The following NTRK2 variants were observed in gnomAD, a reference collection of about 807,000 sequenced individuals.
The protein encoded by NTRK2 is neurotrophic receptor tyrosine kinase 2.
A neutral mutation model predicts 94.5 loss-of-function variants in NTRK2; 13 were observed. The observed-to-expected ratio is 0.14, with a 90% confidence interval of 0.09 to 0.22. NTRK2 has a LOEUF of 0.22. Ranked by LOEUF, NTRK2 falls within the 10% of genes least tolerant of loss-of-function variation. NTRK2 has a pLI of 1.00. For synonymous variants in NTRK2, 372 were observed against 407.4 expected, an observed-to-expected ratio of 0.91 and a Z score of 1.05; for missense variants, 639 against 1,071.2, an observed-to-expected ratio of 0.60 and a Z score of 5.63.
rs936225956 is a variant in NTRK2, at chr9:85,025,312, A to G, written c.*3875A>G. 3.4e-5 allele frequency: 8 copies of G among 233,130 alleles called. No homozygotes were observed. Among genetic ancestry groups the G allele is most frequent in the African/African-American group, 1.8e-4 (8 of 45,350 alleles). 14.4% of individuals were successfully genotyped at this position (233,130 alleles called of 1,614,324 possible). Reference sequence around the variant, plus strand: ...TCTTTTTGTCTTTCAGCACATTTGTATTATGCTCACCTTGTCTCTGTCTCA... The same window carrying G: ...TCTTTTTGTCTTTCAGCACATTTGTGTTATGCTCACCTTGTCTCTGTCTCA... On this transcript the variant is annotated 3_prime_UTR_variant, in exon 19 of 19. Transcript: ENST00000277120.
At position 84,901,194 on chromosome 9, in the gene NTRK2, G is replaced by GTTTTATTTTATTTTATTTTATTTTA. The variant is rs1339278155; in HGVS notation, c.1634-32964_1634-32963insATTTTATTTTATTTTATTTTATTTT. On this transcript the variant is annotated intron_variant, in intron 14 of 18. Coordinates refer to ENST00000277120, the MANE Select transcript of NTRK2 (RefSeq NM_006180.6). ...CTTTCATTTTATTTTGTTTTGTTTT[G>GTTTTATTTTATTTTATTTTATTTTA]TTTTGTTTTGTTTTATTTTATTTTA... Among the ~76,000 whole-genome samples, 490 of 63,882 alleles carry GTTTTATTTTATTTTATTTTATTTTA rather than the reference G, an allele frequency of 7.7e-3. 4 individuals carry two copies. Among genetic ancestry groups the GTTTTATTTTATTTTATTTTATTTTA allele is most frequent in the African/African-American group, 0.018 (424 of 24,222 alleles). The allele number at this position is 63,882 out of a possible 152,430, so 41.9% of individuals were successfully genotyped here.
intron 17 of NTRK2, among the ~76,000 whole-genome samples, chr9:84,992,982 T>C (rs1829286805): frequency 6.6e-6 from 1 of 151,724 alleles, no homozygotes. Context: ...GTGAAACCTC[T>C]CTGGAAATCA....
chr9:84,760,963 C>A (rs2065514091), intron 12 of NTRK2, among the ~76,000 whole-genome samples: 1 of 152,196 alleles, frequency 6.6e-6, no homozygotes, highest in Non-Finnish European at 1.5e-5. Flanking sequence ...TTAAATTCTT[C>A]CTTATGCAAT....
At chr9:84,873,737 A>G (rs201470272) in intron 14 of NTRK2, 1 of 1,056,658 alleles carries the variant, frequency 9.5e-7, no homozygotes, top group Non-Finnish European at 1.1e-6. Context: ...GTGAAGTAAA[A>G]TCATGTTTTT....
intron 14 of NTRK2, among the ~76,000 whole-genome samples, chr9:84,933,566 A>C (rs968499798): frequency 1.3e-5 from 2 of 152,362 alleles, no homozygotes; most frequent in South Asian, 4.1e-4. Context: ...CTAGTCCTTA[A>C]TGCAGACGTC....
chr9:84,944,802 C>G (rs115557978), intron 15 of NTRK2, among the ~76,000 whole-genome samples: 3 of 152,232 alleles, frequency 2.0e-5, no homozygotes, highest in Non-Finnish European at 2.9e-5. Context: ...CGTGAGCAAA[C>G]TGAATACAAG....
chr9:84,861,128 T>A, intron 13 of NTRK2, 41 bp downstream of exon 13: 3 of 1,462,104 alleles, frequency 2.1e-6, no homozygotes, highest in Non-Finnish European at 2.9e-6. Flanking sequence ...AAGTAATGAG[T>A]CTATGTTTTT....
chr9:84,693,753 G>A (rs963090626), intron 2 of NTRK2, among the ~76,000 whole-genome samples: 4 of 152,198 alleles, frequency 2.6e-5, no homozygotes, highest in Non-Finnish European at 5.9e-5. Context: ...GGAAACTGAG[G>A]CGTAGGGACT....
At chr9:84,728,178 C>T (rs193157498) in intron 9 of NTRK2, among the ~76,000 whole-genome samples, 66 of 152,192 alleles carry the variant, frequency 4.3e-4, no homozygotes, top group South Asian at 1.5e-3. Flanking sequence ...GGAGATGTGC[C>T]TGTTATGATA....
At chr9:84,755,008 A>T (rs1312141639) in intron 12 of NTRK2, among the ~76,000 whole-genome samples, 1 of 152,222 alleles carries the variant, frequency 6.6e-6, no homozygotes, top group East Asian at 1.9e-4. Context: ...ACCACACTAC[A>T]GCTGAGTGCA....
intron 9 of NTRK2, among the ~76,000 whole-genome samples, chr9:84,741,285 T>A (rs1791078912): frequency 6.6e-6 from 1 of 152,232 alleles, no homozygotes; most frequent in Admixed American, 6.5e-5. Context: ...TTTAATAACT[T>A]CTTACACATC....
chr9:84,728,216 A>G (rs1052372311), intron 9 of NTRK2, among the ~76,000 whole-genome samples: 1 of 152,144 alleles, frequency 6.6e-6, no homozygotes, highest in African/African-American at 2.4e-5. Context: ...GACAACTGCA[A>G]CGATGTGAGG....
At position 84,886,339 on chromosome 9, in the gene NTRK2, T is replaced by G. The variant is rs80085840; in HGVS notation, c.1633+18908T>G. The stretch of plus-strand genomic sequence containing the variant: ...AGTTTAGTTTGGACCATGATCCCAT[T>G]GGAAGAAGCTTCGAAAGCTTTTGGA... On this transcript the variant is annotated intron_variant, in intron 14 of 18. Transcript: ENST00000277120. 4.7e-3 allele frequency among the ~76,000 whole-genome samples: 709 copies of G among 152,330 alleles called. 13 individuals carry two copies. The highest frequency in any genetic ancestry group is 0.038 in the Admixed American group (576 of 15,304).
intron 12 of NTRK2, among the ~76,000 whole-genome samples, chr9:84,846,661 G>A (rs996056606): frequency 1.3e-5 from 2 of 152,228 alleles, no homozygotes; most frequent in Non-Finnish European, 2.9e-5. Flanking sequence ...ATGTACCTGG[G>A]CTGATGAATG....
chr9:84,854,075 AAAAAAAAAAG>A (rs1041698923), intron 12 of NTRK2, among the ~76,000 whole-genome samples: 1 of 151,776 alleles, frequency 6.6e-6, no homozygotes, highest in African/African-American at 2.4e-5. Context: ...CTGTCTCAAA[AAAAAAAAAAG>A]AAAAGAAAAG....
chr9:84,804,942 G>A (rs2070934994), intron 12 of NTRK2, among the ~76,000 whole-genome samples: 1 of 152,180 alleles, frequency 6.6e-6, no homozygotes, highest in South Asian at 2.1e-4. Flanking sequence ...GAGCATCTGA[G>A]TACCTCTCAA....
At chr9:84,944,192 T>TTCTCTCTC (rs61035000) in intron 15 of NTRK2, among the ~76,000 whole-genome samples, 175 of 135,214 alleles carry the variant, frequency 1.3e-3, no homozygotes, top group Middle Eastern at 7.5e-3. Flanking sequence ...GAAAAGCTTG[T>TTCTCTCTC]TCTCTCTCTC....
Position 85,022,786 on chromosome 9 carries a change from C to T in NTRK2, c.*1349C>T, listed in dbSNP as rs145992075. ...TGAGTATCAATGTCTCTGCGTTGTACGGTGGTGATGGGTTTTAATGAATAT... is the reference window on the plus strand; with the variant it reads ...TGAGTATCAATGTCTCTGCGTTGTATGGTGGTGATGGGTTTTAATGAATAT... On this transcript the variant is annotated 3_prime_UTR_variant, in exon 19 of 19. Transcript: ENST00000277120. 1.0e-4 allele frequency: 24 copies of T among 233,068 alleles called. No homozygotes were observed. Among genetic ancestry groups the T allele is most frequent in the Admixed American group, 2.2e-4 (4 of 17,790 alleles). The allele number at this position is 233,068 out of a possible 1,614,324, so 14.4% of individuals were successfully genotyped here.
intron 15 of NTRK2, among the ~76,000 whole-genome samples, chr9:84,934,793 A>G (rs983440856): frequency 6.6e-6 from 1 of 152,128 alleles, no homozygotes; most frequent in East Asian, 1.9e-4. Context: ...GGTTTTATAT[A>G]GCACAGGCAT....
Sources: gnomAD v4.1 joint callset for allele counts (sites outside exome capture counted in the v4.1 genomes callset) on GRCh38, gnomAD v4.1.1 for gene constraint, MANE v1.5 for transcripts, NCBI Gene and HGNC (gene_info 2026-07-23, HGNC 2026-07-21) for gene names.